The following IKZF2 variants were observed in gnomAD, a reference collection of about 807,000 sequenced individuals.
IKZF2 encodes zinc finger protein Helios.
Under a neutral mutation model 49.2 loss-of-function variants are expected in IKZF2, and 15 were observed. That is an observed-to-expected ratio of 0.30 (90% CI 0.20 to 0.47). The LOEUF is 0.47. Among genes scored for constraint, IKZF2 ranks in the 20% least tolerant of loss-of-function variants. The pLI, the probability that IKZF2 is intolerant of heterozygous loss-of-function variation, is 1.00. For synonymous variants in IKZF2, 227 were observed against 221.4 expected, an observed-to-expected ratio of 1.03 and a Z score of -0.23; for missense variants, 567 against 664.6, an observed-to-expected ratio of 0.85 and a Z score of 1.61.
intron 6 of IKZF2, among the ~76,000 whole-genome samples, chr2:213,028,182 C>T (rs1698022793): frequency 6.6e-6 from 1 of 151,938 alleles, no homozygotes; most frequent in Non-Finnish European, 1.5e-5. Context: ...ATCTCAGTAC[C>T]TTTGTTGAAA....
intron 4 of IKZF2, among the ~76,000 whole-genome samples, chr2:213,093,158 T>A (rs1705551158): frequency 6.6e-6 from 1 of 152,134 alleles, no homozygotes; most frequent in African/African-American, 2.4e-5. Flanking sequence ...AAATCATAAA[T>A]CAAATTCTAC....
intron 4 of IKZF2, among the ~76,000 whole-genome samples, chr2:213,062,429 T>C (rs1456371754): frequency 6.6e-6 from 1 of 151,868 alleles, no homozygotes; most frequent in Non-Finnish European, 1.5e-5. Context: ...CTTTCTAGTT[T>C]AATTTCTATG....
chr2:213,087,068 C>T (rs1381459855), intron 4 of IKZF2, among the ~76,000 whole-genome samples: 3 of 152,078 alleles, frequency 2.0e-5, no homozygotes, highest in Non-Finnish European at 4.4e-5. Context: ...AATACCAGTA[C>T]ACTTAAAGTG....
intron 6 of IKZF2, among the ~76,000 whole-genome samples, chr2:213,049,182 T>C (rs1055628953): frequency 1.3e-5 from 2 of 152,062 alleles, no homozygotes. Flanking sequence ...CCAATGACTA[T>C]TGTTTGAGAG....
intron 6 of IKZF2, among the ~76,000 whole-genome samples, chr2:213,029,072 A>C (rs1013725291): frequency 6.6e-6 from 1 of 152,068 alleles, no homozygotes; most frequent in African/African-American, 2.4e-5. Flanking sequence ...TCAATGTGTT[A>C]AAATTTTAAG....
At chr2:213,077,155 C>A (rs1353570062) in intron 4 of IKZF2, among the ~76,000 whole-genome samples, 4 of 152,132 alleles carry the variant, frequency 2.6e-5, no homozygotes, top group African/African-American at 4.8e-5. Context: ...TTTCTAGTGA[C>A]TTAATTCTAC....
chr2:213,109,436 T>C (rs182431221), intron 4 of IKZF2, among the ~76,000 whole-genome samples: 319 of 152,176 alleles, frequency 2.1e-3, no homozygotes, highest in Non-Finnish European at 3.5e-3. Flanking sequence ...TACTAGGTAT[T>C]ATAAAGACAT....
At chr2:213,072,296 G>GTTTTTTTTTTTTTTTTTTTTT (rs377550534) in intron 4 of IKZF2, among the ~76,000 whole-genome samples, 1 of 144,550 alleles carries the variant, frequency 6.9e-6, no homozygotes, top group Non-Finnish European at 1.5e-5. Flanking sequence ...CCTTTCCTTT[G>GTTTTTTTTTTTTTTTTTTTTT]TTTTTTTTTT....
At chr2:213,086,694 C>G (rs987720922) in intron 4 of IKZF2, among the ~76,000 whole-genome samples, 2 of 152,116 alleles carry the variant, frequency 1.3e-5, no homozygotes, top group Admixed American at 1.3e-4. Context: ...AACAGTCAGG[C>G]ACTAGTCCAG....
rs186696555 is a variant in IKZF2, at chr2:213,150,813, T to C, written c.-119-566A>G. 1.8e-3 allele frequency among the ~76,000 whole-genome samples: 276 copies of C among 149,812 alleles called. 2 individuals carry two copies. Among genetic ancestry groups the C allele is most frequent in the Non-Finnish European group, 2.0e-3 (137 of 67,660 alleles). On this transcript the variant is annotated intron_variant, in intron 1 of 8. Transcript: ENST00000434687. ...CTTGGCAAAAAAGAAAAAAAATAAATAAATCTTAATTCCATCTCTTTCGCC... is the reference window on the plus strand; with the variant it reads ...CTTGGCAAAAAAGAAAAAAAATAAACAAATCTTAATTCCATCTCTTTCGCC...
chr2:213,026,294 C>A (rs924466552), intron 6 of IKZF2, among the ~76,000 whole-genome samples: 1 of 152,116 alleles, frequency 6.6e-6, no homozygotes, highest in Non-Finnish European at 1.5e-5. Flanking sequence ...ATCTTTCTCA[C>A]TAAAGAACTA....
At chr2:213,146,766 G>GGGT (rs1553604966) in intron 4 of IKZF2, among the ~76,000 whole-genome samples, 1 of 124,444 alleles carries the variant, frequency 8.0e-6, no homozygotes, top group African/African-American at 2.8e-5. Flanking sequence ...CTTCGGGGGG[G>GGGT]GGGAAGGAAA....
intron 6 of IKZF2, among the ~76,000 whole-genome samples, chr2:213,046,769 G>A (rs1376448350): frequency 6.6e-6 from 1 of 152,082 alleles, no homozygotes; most frequent in East Asian, 1.9e-4. Context: ...TCTCTCCAGA[G>A]GGCATTCACT....
At chr2:213,085,181 T>C (rs1395726924) in intron 4 of IKZF2, among the ~76,000 whole-genome samples, 1 of 152,206 alleles carries the variant, frequency 6.6e-6, no homozygotes, top group Non-Finnish European at 1.5e-5. Context: ...AAACAGATGA[T>C]GTTAAAAGCA....
chr2:213,090,162 C>A (rs1377643461), intron 4 of IKZF2, among the ~76,000 whole-genome samples: 1 of 152,142 alleles, frequency 6.6e-6, no homozygotes, highest in Non-Finnish European at 1.5e-5. Context: ...GTGTTAGTGA[C>A]AGCTGAGAGA....
At chr2:213,044,893 A>T (rs1258461058) in intron 6 of IKZF2, among the ~76,000 whole-genome samples, 1 of 152,226 alleles carries the variant, frequency 6.6e-6, no homozygotes, top group Non-Finnish European at 1.5e-5. Context: ...TGGGGCAATG[A>T]TGAGAAAGCA....
chr2:213,010,410 C>CG (rs1695819413), intron 8 of IKZF2, among the ~76,000 whole-genome samples: 1 of 151,998 alleles, frequency 6.6e-6, no homozygotes, highest in African/African-American at 2.4e-5. Flanking sequence ...TTTAGGGAGC[C>CG]CTGGGCCTTT....
chr2:213,066,528 C>CA (rs1702181417), intron 4 of IKZF2, among the ~76,000 whole-genome samples: 1 of 152,058 alleles, frequency 6.6e-6, no homozygotes, highest in African/African-American at 2.4e-5. Flanking sequence ...GTCAAATAAA[C>CA]AGAGTCTGCA....
At chr2:213,102,258 G>C (rs1176495605) in intron 4 of IKZF2, among the ~76,000 whole-genome samples, 1 of 152,088 alleles carries the variant, frequency 6.6e-6, no homozygotes, top group Non-Finnish European at 1.5e-5. Context: ...ACCAAGGCGT[G>C]GTGCTGTTGG....
Sources: allele counts gnomAD v4.1 joint callset (sites outside exome capture counted in the v4.1 genomes callset), GRCh38; gene constraint gnomAD v4.1.1; transcripts MANE v1.5; gene names NCBI Gene and HGNC (gene_info 2026-07-23, HGNC 2026-07-21).